The following ZNF532 variants were observed in gnomAD, a reference collection of about 807,000 sequenced individuals.
The protein encoded by ZNF532 is zinc finger protein 532.
A neutral mutation model predicts 89.3 loss-of-function variants in ZNF532; 22 were observed. The ratio of observed to expected loss-of-function variants is 0.25; its 90% CI spans 0.18 to 0.35. The LOEUF (loss-of-function observed/expected upper bound fraction) is 0.35. Ranked by LOEUF, ZNF532 falls within the 10% of genes least tolerant of loss-of-function variation. The pLI, the probability that ZNF532 is intolerant of heterozygous loss-of-function variation, is 1.00. For missense variants in ZNF532, 1,132 were observed against 1,643.4 expected, an observed-to-expected ratio of 0.69 and a Z score of 5.38; for synonymous variants, 606 against 649.6, an observed-to-expected ratio of 0.93 and a Z score of 1.02.
Position 58,919,782 on chromosome 18 carries a change from G to A in ZNF532, c.1495G>A (p.Ala499Thr), listed in dbSNP as rs376278536. Reference protein sequence around the residue: ...ASSAIIKAANAIQQQTVVVPA... With the variant: ...ASSAIIKAANTIQQQTVVVPA... Reference sequence around the variant, plus strand: ...CAGCGCCATCATTAAAGCTGCCAACGCCATCCAGCAGCAAACTGTCGTGGT... The same window carrying A: ...CAGCGCCATCATTAAAGCTGCCAACACCATCCAGCAGCAAACTGTCGTGGT... The change falls in exon 3 of 10, where the codon GCC becomes ACC. Residue 499 changes from alanine (A) to threonine (T), a missense_variant. Ala to Thr is a moderately conservative substitution (Grantham distance 58). This residue lies in a region of ZNF532 where 97 missense variants were observed against 143.7 expected (regional missense o/e 0.68). Coordinates refer to ENST00000591808, the MANE Select transcript of ZNF532 (RefSeq NM_001375912.1). This position sits in a 1 kb window ranked among gnomAD's most constrained non-coding sequence, Gnocchi z 6.1. 3.7e-6 allele frequency: 6 copies of A among 1,613,994 alleles called. No individual in the cohort carries two copies. The highest frequency in any genetic ancestry group is 1.3e-5 in the African/African-American group (1 of 74,940).
chr18:58,881,105 T>G (rs1275113089), intron 2 of ZNF532, among the ~76,000 whole-genome samples: 1 of 151,884 alleles, frequency 6.6e-6, no homozygotes, highest in Non-Finnish European at 1.5e-5. Flanking sequence ...TTTTCTTTTT[T>G]TCTTTTTTTT....
intron 7 of ZNF532, among the ~76,000 whole-genome samples, chr18:58,965,669 G>T (rs1734341334): frequency 6.6e-6 from 1 of 152,150 alleles, no homozygotes; most frequent in South Asian, 2.1e-4. Context: ...TGAATGTCCT[G>T]GTTTTATATT....
intron 5 of ZNF532, 79 bp from the exon 6 acceptor site, chr18:58,947,988 G>T: frequency 7.1e-7 from 1 of 1,406,718 alleles, no homozygotes; most frequent in Admixed American, 2.3e-5. Flanking sequence ...TGCCTCCCAA[G>T]TTCTTCAGCT....
chr18:58,940,373 T>C (rs2146638595), intron 5 of ZNF532: 1 of 152,366 alleles, frequency 6.6e-6, no homozygotes, highest in East Asian at 1.9e-4. Context: ...TATAAGTCCC[T>C]GATTAGTAAA....
At position 58,919,802 on chromosome 18, in the gene ZNF532, CGTG is replaced by C; in HGVS notation, c.1519_1521del (p.Val507del). 1 of 1,614,038 alleles carries C rather than the reference CGTG, an allele frequency of 6.2e-7. No individual in the cohort carries two copies. The highest frequency in any genetic ancestry group is 8.5e-7 in the Non-Finnish European group (1 of 1,179,922). On this transcript the variant is annotated inframe_deletion, in exon 3 of 10. Transcript: ENST00000591808. This position sits in a 1 kb window ranked among gnomAD's most constrained non-coding sequence, Gnocchi z 6.1. ...CCAACGCCATCCAGCAGCAAACTGT[CGTG>C]GTGCCGGCATCCAGCCTGGCCAATG...
intron 2 of ZNF532, among the ~76,000 whole-genome samples, chr18:58,867,769 T>G (rs2056610833): frequency 6.6e-6 from 1 of 152,186 alleles, no homozygotes; most frequent in Admixed American, 6.5e-5. Context: ...CCCTTCTTGT[T>G]TTTATCCTTT....
At chr18:58,889,021 C>G (rs112990235) in intron 2 of ZNF532, among the ~76,000 whole-genome samples, 1,559 of 144,952 alleles carry the variant, frequency 0.011, 19 homozygotes, top group Middle Eastern at 0.042. Context: ...TTGAACATCT[C>G]AAATCTAAAA....
At chr18:58,870,574 A>G (rs1466917336) in intron 2 of ZNF532, among the ~76,000 whole-genome samples, 1 of 152,160 alleles carries the variant, frequency 6.6e-6, no homozygotes, top group Non-Finnish European at 1.5e-5. Context: ...TGTAGGCAGA[A>G]AAGACGGACC....
intron 7 of ZNF532, among the ~76,000 whole-genome samples, chr18:58,960,401 A>G (rs1181456104): frequency 2.0e-5 from 3 of 152,318 alleles, no homozygotes; most frequent in East Asian, 3.9e-4. Context: ...TATGCATGTC[A>G]TGGAGAATGA....
intron 4 of ZNF532, among the ~76,000 whole-genome samples, chr18:58,934,989 AATGAAAACAGAAATAGTGCG>A (rs1459463754): frequency 6.6e-6 from 1 of 151,992 alleles, no homozygotes; most frequent in Admixed American, 6.5e-5. Flanking sequence ...CCCCTTCTCT[AATGAAAACAGAAATAGTGCG>A]ATGGTCTTTT....
chr18:58,917,938 T>G (rs2060721996), intron 2 of ZNF532, among the ~76,000 whole-genome samples: 2 of 152,238 alleles, frequency 1.3e-5, no homozygotes, highest in South Asian at 4.1e-4. Context: ...TAGCTTTTTA[T>G]GAAAGGGACA....
intron 5 of ZNF532, among the ~76,000 whole-genome samples, chr18:58,942,217 T>G (rs2146720813): frequency 6.6e-6 from 1 of 151,436 alleles, no homozygotes; most frequent in South Asian, 2.1e-4. Flanking sequence ...AGAGATGGGG[T>G]TTCACCGTGT....
chr18:58,979,010 C>A, intron 7 of ZNF532, 45 bp from the exon 8 acceptor site: 2 of 1,421,242 alleles, frequency 1.4e-6, no homozygotes, highest in Non-Finnish European at 2.0e-6. Context: ...TGTTTGAGTG[C>A]ATCTATTTTC....
intron 2 of ZNF532, among the ~76,000 whole-genome samples, chr18:58,904,364 A>C (rs1025564846): frequency 2.7e-5 from 4 of 150,814 alleles, no homozygotes; most frequent in African/African-American, 4.9e-5. Context: ...AAAAAAAAAA[A>C]ATAATGTATA....
At chr18:58,960,506 C>T (rs1173792908) in intron 7 of ZNF532, among the ~76,000 whole-genome samples, 1 of 152,194 alleles carries the variant, frequency 6.6e-6, no homozygotes, top group African/African-American at 2.4e-5. Flanking sequence ...TGAGCACAGC[C>T]ATTTCAGAGA....
At chr18:58,942,177 C>T (rs1036933973) in intron 5 of ZNF532, among the ~76,000 whole-genome samples, 4 of 151,836 alleles carry the variant, frequency 2.6e-5, no homozygotes, top group African/African-American at 7.3e-5. Context: ...CGCCCACCAC[C>T]ACGCCTGGCT....
intron 7 of ZNF532, among the ~76,000 whole-genome samples, chr18:58,962,177 G>T (rs1372591944): frequency 7.9e-5 from 12 of 151,598 alleles, no homozygotes; most frequent in Admixed American, 7.9e-4. Flanking sequence ...GGTGAGCCGA[G>T]ATTACGCCAC....
chr18:58,915,735 G>A (rs745931059), intron 2 of ZNF532, among the ~76,000 whole-genome samples: 3 of 152,184 alleles, frequency 2.0e-5, no homozygotes, highest in Admixed American at 6.5e-5. Flanking sequence ...TCAGACAGTC[G>A]CACTGCCGAC....
rs1410938050 is a variant in ZNF532 at position 58,939,520 on chromosome 18, C to A, written c.2604C>A (p.Val868=). ...KSHIQGSHCE[V]FYKCPICPMA... is the part of the protein sequence containing the mutation. ...ACATTCAAGGTTCTCACTGTGAAGT[C>A]TTCTACAAGTGTCCTATTTGTCCAA... Residue 868 remains valine (V), a synonymous_variant, in exon 5 of 10, where the codon GTC becomes GTA. Coordinates refer to ENST00000591808, the MANE Select transcript of ZNF532 (RefSeq NM_001375912.1). The A allele has an allele frequency of 1.2e-6, 2 of 1,613,994 alleles. No homozygotes were observed. Among genetic ancestry groups the A allele is most frequent in the African/African-American group, 2.7e-5 (2 of 74,902 alleles).
Sources: gnomAD v4.1 joint callset for allele counts (sites outside exome capture counted in the v4.1 genomes callset) on GRCh38, gnomAD v4.1.1 for gene constraint, gnomAD v4.1.1 regional missense constraint, Gnocchi (gnomAD v3.1) non-coding constraint, MANE v1.5 for transcripts, NCBI Gene and HGNC (gene_info 2026-07-23, HGNC 2026-07-21) for gene names.